LRBA: variants seen among roughly 807,000 people sequenced by gnomAD.
The protein encoded by LRBA is LPS responsive beige-like anchor protein.
In LRBA, 176 loss-of-function variants were observed where a neutral mutation model predicts 330.0. That is an observed-to-expected ratio of 0.53 (90% confidence interval 0.47 to 0.60). The LOEUF is 0.60. LRBA is among the 20% of genes least tolerant of loss of function. LRBA has a pLI of 0.00. For synonymous variants in LRBA, 1,230 were observed against 1,193.0 expected, an observed-to-expected ratio of 1.03 and a Z score of -0.64; for missense variants, 3,259 against 3,444.8, an observed-to-expected ratio of 0.95 and a Z score of 1.35.
chr4:150,683,305 G>T (rs1783213604), intron 37 of LRBA, among the ~76,000 whole-genome samples: 1 of 152,022 alleles, frequency 6.6e-6, no homozygotes, highest in Non-Finnish European at 1.5e-5. Flanking sequence ...AAGTAGTTGA[G>T]GAAACTGATC....
chr4:150,803,402 G>T (rs1742044398), intron 33 of LRBA, among the ~76,000 whole-genome samples: 1 of 151,962 alleles, frequency 6.6e-6, no homozygotes, highest in African/African-American at 2.4e-5. Flanking sequence ...GGTTTGGATA[G>T]CTGGTAATAA....
At chr4:150,972,665 A>G (rs1739714077) in intron 2 of LRBA, among the ~76,000 whole-genome samples, 1 of 152,230 alleles carries the variant, frequency 6.6e-6, no homozygotes, top group South Asian at 2.1e-4. Flanking sequence ...TGCATTTCCC[A>G]TTCAAAGAAA....
chr4:150,941,606 T>G (rs1368854092), intron 2 of LRBA, among the ~76,000 whole-genome samples: 2 of 152,148 alleles, frequency 1.3e-5, no homozygotes, highest in Non-Finnish European at 2.9e-5. Context: ...TTATATAGTG[T>G]CTGGCTACAA....
chr4:150,923,590 C>T (rs17027197), intron 4 of LRBA, among the ~76,000 whole-genome samples: 16,104 of 152,142 alleles, frequency 0.11, 1,172 homozygotes, highest in South Asian at 0.26. Context: ...AAAGCTGCAA[C>T]GCTGAGTTTA....
intron 48 of LRBA, among the ~76,000 whole-genome samples, chr4:150,346,783 A>AAAAAAAAAAAAAAAAAAAAAAAAAC (rs1736408222): frequency 7.5e-6 from 1 of 133,470 alleles, no homozygotes; most frequent in African/African-American, 2.6e-5. Flanking sequence ...AAAAAAAAAA[A>AAAAAAAAAAAAAAAAAAAAAAAAAC]AAAACACTTA....
At chr4:150,928,158 C>G (rs1376206500) in intron 4 of LRBA, among the ~76,000 whole-genome samples, 1 of 152,156 alleles carries the variant, frequency 6.6e-6, no homozygotes, top group East Asian at 1.9e-4. Flanking sequence ...GTGAGTTACT[C>G]AAGTTTAAGC....
intron 47 of LRBA, among the ~76,000 whole-genome samples, chr4:150,404,892 A>T (rs1024053559): frequency 6.6e-6 from 1 of 152,228 alleles, no homozygotes; most frequent in Non-Finnish European, 1.5e-5. Flanking sequence ...CTAGCACAAT[A>T]ACATGTCACT....
At chr4:150,770,099 G>A (rs570713998) in intron 34 of LRBA, among the ~76,000 whole-genome samples, 3 of 152,256 alleles carry the variant, frequency 2.0e-5, no homozygotes, top group East Asian at 3.9e-4. Flanking sequence ...TTGAGGGCCC[G>A]AATAAAATGA....
intron 33 of LRBA, among the ~76,000 whole-genome samples, chr4:150,805,219 GA>G (rs72529258): frequency 9.3e-3 from 33 of 3,534 alleles, no homozygotes; most frequent in Non-Finnish European, 0.061. Context: ...AGGAAGGAAG[GA>G]AAGGAAAGGA....
In LRBA at chr4:150,893,083, T is replaced by C; in HGVS notation, c.2134A>G (p.Ile712Val). 3 of 1,611,988 alleles carry C rather than the reference T, an allele frequency of 1.9e-6. No individual in the cohort carries two copies. Among genetic ancestry groups the C allele is most frequent in the Non-Finnish European group, 2.5e-6 (3 of 1,178,670 alleles). Residue 712 changes from isoleucine (I) to valine (V), a missense_variant, in exon 17 of 57, where the codon ATT (isoleucine) becomes GTT (valine). Transcript: ENST00000651943. ...CCATTCCTTTGGTCAAAAGCAGGAA[T>C]CATAGAGTTAGGGTGTTCTGACATT... ...ALMSEHPNSM[I>V]PAFDQRNGLR... is the part of the protein sequence containing the mutation.
At chr4:150,846,040 G>C (rs933137117) in intron 26 of LRBA, among the ~76,000 whole-genome samples, 2 of 152,020 alleles carry the variant, frequency 1.3e-5, no homozygotes, top group Admixed American at 6.6e-5. Context: ...AGAAACTGTG[G>C]TACATATACG....
chr4:150,698,254 T>C (rs1053381866), intron 36 of LRBA, among the ~76,000 whole-genome samples: 5 of 152,164 alleles, frequency 3.3e-5, no homozygotes, highest in African/African-American at 1.2e-4. Flanking sequence ...TTAATCTTTA[T>C]TTTAAAATCC....
At chr4:150,961,381 G>C (rs1738128437) in intron 2 of LRBA, among the ~76,000 whole-genome samples, 1 of 149,252 alleles carries the variant, frequency 6.7e-6, no homozygotes, top group African/African-American at 2.6e-5. Flanking sequence ...AAGAGCTAAA[G>C]AGAAATACTG....
At chr4:150,848,397 T>G (rs1031503411) in intron 26 of LRBA, among the ~76,000 whole-genome samples, 4 of 152,032 alleles carry the variant, frequency 2.6e-5, no homozygotes, top group Non-Finnish European at 5.9e-5. Context: ...CTTAAGTTTA[T>G]GTATCTCCTT....
In LRBA at chr4:150,600,571, GGGTGATTTT is replaced by G. The variant is rs368361725; in HGVS notation, c.5922-1449_5922-1441del. Among the ~76,000 whole-genome samples the G allele has an allele frequency of 1.2e-3, 188 of 152,060 alleles. 3 individuals carry two copies. Among genetic ancestry groups the G allele is most frequent in the African/African-American group, 4.4e-3 (184 of 41,518 alleles). Reference sequence around the variant, plus strand: ...GGATAAGAACATCAAATATTTCCTTGGGTGATTTTGGTCAGGAGAAGGAGATATAATGTA... The same window carrying G: ...GGATAAGAACATCAAATATTTCCTTGGGTCAGGAGAAGGAGATATAATGTA... On this transcript the variant is annotated intron_variant, in intron 37 of 56. Transcript: ENST00000651943.
At chr4:150,811,788 A>C (rs751753802) in intron 31 of LRBA, among the ~76,000 whole-genome samples, 16 of 152,146 alleles carry the variant, frequency 1.1e-4, no homozygotes, top group Non-Finnish European at 2.1e-4. Flanking sequence ...TACAGGTGTA[A>C]ATCACCACAC....
intron 40 of LRBA, among the ~76,000 whole-genome samples, chr4:150,549,364 C>T (rs1031232435): frequency 2.6e-5 from 4 of 151,364 alleles, no homozygotes; most frequent in East Asian, 1.9e-4. Flanking sequence ...TGGAGTCTCG[C>T]TCTGTTGCCT....
intron 47 of LRBA, among the ~76,000 whole-genome samples, chr4:150,385,854 T>C (rs1742984699): frequency 6.6e-6 from 1 of 152,138 alleles, no homozygotes; most frequent in African/African-American, 2.4e-5. Context: ...TGCTATCCCA[T>C]GAGCCAGAGG....
At chr4:150,756,041 A>G (rs1582253362) in intron 35 of LRBA, among the ~76,000 whole-genome samples, 1 of 137,250 alleles carries the variant, frequency 7.3e-6, no homozygotes, top group Admixed American at 7.2e-5. Context: ...GCAAGACCCT[A>G]TCTCAAAAAA....
Sources: gnomAD v4.1 joint callset for allele counts (sites outside exome capture counted in the v4.1 genomes callset) on GRCh38, gnomAD v4.1.1 for gene constraint, MANE v1.5 for transcripts, NCBI Gene and HGNC (gene_info 2026-07-23, HGNC 2026-07-21) for gene names.